PITRM1: variants seen among roughly 807,000 people sequenced by gnomAD.
The protein encoded by PITRM1 is presequence protease, mitochondrial.
A neutral mutation model predicts 129.9 loss-of-function variants in PITRM1; 100 were observed. The ratio of observed to expected loss-of-function variants is 0.77; its 90% CI spans 0.65 to 0.91. The LOEUF is 0.91. Ranked by LOEUF, PITRM1 falls within the 40% of genes least tolerant of loss-of-function variation. PITRM1 has a pLI of 0.00. For missense variants in PITRM1, 1,471 were observed against 1,318.3 expected (o/e 1.12, Z -1.79); for synonymous variants, 591 against 508.8 (o/e 1.16, Z -2.17).
chr10:3,170,210 G>C lies in PITRM1; in HGVS notation c.57-4C>G, dbSNP rs771532097. The C allele has an allele frequency of 3.7e-6, 6 of 1,611,058 alleles. No homozygotes were observed. In the East Asian group the frequency reaches 1.3e-4, roughly 36 times the overall value. ...CCACGCTCTGTGGTGTGCATGTCTA[G>C]ATTAAAAGTCATCTAAGTTAGATGA... is the stretch of plus-strand genomic sequence containing the variant. On this transcript the variant is annotated splice_polypyrimidine_tract_variant and splice_region_variant and intron_variant, in intron 1 of 26. Coordinates refer to ENST00000224949, the MANE Select transcript of PITRM1 (RefSeq NM_014889.4).
rs1185979150 is a variant in PITRM1 at position 3,147,266 on chromosome 10, C to T, written c.2236-16G>A. The T allele has an allele frequency of 6.3e-7, 1 of 1,580,410 alleles. No individual in the cohort carries two copies. The highest frequency in any genetic ancestry group is 1.1e-5 in the South Asian group (1 of 90,062). On this transcript the variant is annotated splice_polypyrimidine_tract_variant and intron_variant, in intron 19 of 26. Coordinates refer to ENST00000224949, the MANE Select transcript of PITRM1 (RefSeq NM_014889.4). ...TCAGCCGCACCTAAGCCAGAGGAAA[C>T]TCGCTCAGAGAGAGGCAGAGGCTAC...
In PITRM1 at chr10:3,143,419, G is replaced by C. The variant is rs762337095; in HGVS notation, c.2615C>G (p.Thr872Ser). 4 of 1,613,030 alleles carry C rather than the reference G, an allele frequency of 2.5e-6. No individual in the cohort carries two copies. Among genetic ancestry groups the C allele is most frequent in the East Asian group, 2.2e-5 (1 of 44,874 alleles). Reference protein sequence around the residue: ...PVNYVGECIRTVPYTDPDHAS... With the variant: ...PVNYVGECIRSVPYTDPDHAS... ...ATGATCTGGGTCCGTGTAGGGGACAGTTCGGATGCATTCACCCACGTAATT... is the reference window on the plus strand; with the variant it reads ...ATGATCTGGGTCCGTGTAGGGGACACTTCGGATGCATTCACCCACGTAATT... The change falls in exon 23 of 27, where the codon ACT (threonine) becomes AGT (serine). Residue 872 changes from threonine to serine, a missense_variant. Transcript: ENST00000224949.
chr10:3,157,044 G>A lies in PITRM1; in HGVS notation c.1368C>T (p.Asn456=). The A allele has an allele frequency of 6.2e-7, 1 of 1,609,972 alleles. No homozygotes were observed. Among genetic ancestry groups the A allele is most frequent in the Non-Finnish European group, 8.5e-7 (1 of 1,178,882 alleles). The change falls in exon 13 of 27, where the codon AAC becomes AAT. Residue 456 remains asparagine (N), a synonymous_variant. Transcript: ENST00000224949. ...MLTSYIASCW[N]HDGDPVELLK... ...AGAGCTCCACAGGGTCCCCATCATG[G>A]TTCCAGCAAGAAGCTATGTACTGGA...
rs752142987 is a variant in PITRM1 at position 3,138,227 on chromosome 10, C to G, written c.3020+8G>C. On this transcript the variant is annotated splice_region_variant and intron_variant, in intron 26 of 26. Coordinates refer to ENST00000224949, the MANE Select transcript of PITRM1 (RefSeq NM_014889.4). ...TCCCAGACGCTGTCTCCCCCGCTCC[C>G]CACTCACCTATCGCTCACGGCCAGG... 2.1e-5 allele frequency: 34 copies of G among 1,608,042 alleles called. No homozygotes were observed. The highest frequency in any genetic ancestry group is 2.9e-5 in the Non-Finnish European group (34 of 1,174,578).
intron 12 of PITRM1, 183 bp from the exon 13 acceptor site, chr10:3,157,247 T>C (rs1338331612): frequency 4.3e-6 from 3 of 694,042 alleles, no homozygotes; most frequent in Non-Finnish European, 6.8e-6. Flanking sequence ...AGCCCTGTTT[T>C]GTTCCAATAA....
At chr10:3,150,860 G>A (rs1841450851) in intron 15 of PITRM1, among the ~76,000 whole-genome samples, 2 of 152,124 alleles carry the variant, frequency 1.3e-5, no homozygotes, top group Admixed American at 6.5e-5. Context: ...GGGGGCTCTC[G>A]TCCCTCTGCT....
chr10:3,153,295 G>A (rs1841678699), intron 14 of PITRM1, among the ~76,000 whole-genome samples: 1 of 152,208 alleles, frequency 6.6e-6, no homozygotes, highest in Non-Finnish European at 1.5e-5. Flanking sequence ...TTTAGGAAAC[G>A]TACAACCTGT....
chr10:3,160,704 C>G (rs1375369470), intron 7 of PITRM1, among the ~76,000 whole-genome samples: 2 of 152,012 alleles, frequency 1.3e-5, no homozygotes, highest in African/African-American at 4.8e-5. Context: ...ATCCTCCAGC[C>G]TCAGCCTCCT....
Position 3,144,140 on chromosome 10 carries a change from G to A in PITRM1, c.2532+152C>T, listed in dbSNP as rs181166385. ...GTCTGAGAGAGAAAAGGCTCAGGGTGGCAGTGACAAAGGATGCACTGAACT... is the reference window on the plus strand; with the variant it reads ...GTCTGAGAGAGAAAAGGCTCAGGGTAGCAGTGACAAAGGATGCACTGAACT... On this transcript the variant is annotated intron_variant, in intron 22 of 26. Transcript: ENST00000224949. 2.0e-5 allele frequency among the ~76,000 whole-genome samples: 3 copies of A among 152,322 alleles called. No individual in the cohort carries two copies. In the East Asian group the frequency reaches 5.8e-4, roughly 29 times the overall value.
At chr10:3,169,438 A>G in intron 2 of PITRM1, among the ~76,000 whole-genome samples, 1 of 152,160 alleles carries the variant, frequency 6.6e-6, no homozygotes, top group Admixed American at 6.5e-5. Flanking sequence ...GGCGTCCACC[A>G]TGTGCCTCCG....
intron 16 of PITRM1, chr10:3,148,581 T>C (rs1278701344): frequency 2.9e-6 from 1 of 346,444 alleles, no homozygotes; most frequent in African/African-American, 2.0e-5. Flanking sequence ...CATTCTAAAA[T>C]AGGCATTTCC....
chr10:3,151,918 A>T (rs560485005), intron 14 of PITRM1, among the ~76,000 whole-genome samples: 134 of 146,814 alleles, frequency 9.1e-4, no homozygotes, highest in Middle Eastern at 3.5e-3. Context: ...GTTTATTTTT[A>T]TTTTTTTTTT....
chr10:3,153,685 A>G (rs1841721259), intron 14 of PITRM1, among the ~76,000 whole-genome samples: 1 of 152,182 alleles, frequency 6.6e-6, no homozygotes, highest in South Asian at 2.1e-4. Context: ...AGATAGCAAG[A>G]GTAAGAGCAG....
At chr10:3,143,975 G>C (rs554897425) in intron 22 of PITRM1, 2 of 530,728 alleles carry the variant, frequency 3.8e-6, no homozygotes, top group Non-Finnish European at 6.8e-6. Flanking sequence ...CGGGAGCTAC[G>C]TTCAAAGAAG....
chr10:3,156,427 C>A (rs1229985942), intron 13 of PITRM1, among the ~76,000 whole-genome samples: 1 of 152,212 alleles, frequency 6.6e-6, no homozygotes, highest in Non-Finnish European at 1.5e-5. Flanking sequence ...AACAATGGAA[C>A]CTACTGGAGA....
chr10:3,143,651 G>A (rs539482252), intron 22 of PITRM1, 150 bp from the exon 23 acceptor site: 32 of 716,000 alleles, frequency 4.5e-5, no homozygotes, highest in South Asian at 2.8e-4. Context: ...TCCCATCTCC[G>A]TGACACTCTG....
chr10:3,152,896 TTC>T lies in PITRM1; in HGVS notation c.1622-1535_1622-1534del, dbSNP rs763492849. 2.0e-3 allele frequency among the ~76,000 whole-genome samples: 300 copies of T among 152,364 alleles called. 2 individuals are homozygous for T. The highest frequency in any genetic ancestry group is 2.8e-3 in the Non-Finnish European group (188 of 68,034). Reference sequence around the variant, plus strand: ...TAGAAAAAGCCTCTGGCACTTTCTCTTCTCTGTTTTCTTTCAGCACATCACAC... The same window carrying T: ...TAGAAAAAGCCTCTGGCACTTTCTCTTCTGTTTTCTTTCAGCACATCACAC... On this transcript the variant is annotated intron_variant, in intron 14 of 26. Transcript: ENST00000224949.
intron 13 of PITRM1, 111 bp from the exon 14 acceptor site, chr10:3,155,840 C>A (rs1257636067): frequency 6.4e-6 from 8 of 1,248,240 alleles, no homozygotes; most frequent in Non-Finnish European, 6.6e-6. Flanking sequence ...TCCACTTTCC[C>A]ACTTTAAAAA....
chr10:3,147,724 C>T lies in PITRM1; in HGVS notation c.2083G>A (p.Glu695Lys), dbSNP rs200482985. The change falls in exon 19 of 27, where the codon GAA becomes AAA. Residue 695 changes from glutamate (E) to lysine (K), a missense_variant. Transcript: ENST00000224949. ...ACCAGCACCTTGAAGTGCTCCTCTT[C>T]TTCAAAGCACGGGCTATGGAAAAAG... ...SEIFNNPCFE[E>K]EEHFKVLVKM... 3.8e-6 allele frequency: 6 copies of T among 1,595,672 alleles called. No individual in the cohort carries two copies. The highest frequency in any genetic ancestry group is 5.1e-6 in the Non-Finnish European group (6 of 1,173,124).
Sources: allele counts gnomAD v4.1 joint callset (sites outside exome capture counted in the v4.1 genomes callset), GRCh38; gene constraint gnomAD v4.1.1; transcripts MANE v1.5; gene names NCBI Gene and HGNC (gene_info 2026-07-23, HGNC 2026-07-21).